EEF2K: variants seen among roughly 807,000 people sequenced by gnomAD.
EEF2K encodes the protein alternative protein EEF2K.
In EEF2K, 70 loss-of-function variants were observed where a neutral mutation model predicts 93.8. The observed-to-expected ratio is 0.75, with a 90% confidence interval of 0.62 to 0.91. The LOEUF (loss-of-function observed/expected upper bound fraction) is 0.91. EEF2K is among the 40% of genes least tolerant of loss of function. The pLI, the probability that EEF2K is intolerant of heterozygous loss-of-function variation, is 0.00. For missense variants in EEF2K, 935 were observed against 972.9 expected, an observed-to-expected ratio of 0.96 and a Z score of 0.52; for synonymous variants, 376 against 380.8, an observed-to-expected ratio of 0.99 and a Z score of 0.15.
intron 2 of EEF2K, among the ~76,000 whole-genome samples, chr16:22,228,570 C>T (rs558372489): frequency 2.2e-4 from 34 of 152,318 alleles, no homozygotes; most frequent in African/African-American, 6.0e-4. Flanking sequence ...GTACCCGGGC[C>T]GACAGCAGGC....
chr16:22,282,073 C>T (rs1278860463), intron 17 of EEF2K, among the ~76,000 whole-genome samples: 1 of 152,086 alleles, frequency 6.6e-6, no homozygotes, highest in Non-Finnish European at 1.5e-5. Flanking sequence ...CCAGCCTGGG[C>T]AACATAGGTA....
intron 2 of EEF2K, among the ~76,000 whole-genome samples, chr16:22,231,465 T>C (rs2047114570): frequency 2.0e-5 from 3 of 151,956 alleles, no homozygotes; most frequent in Admixed American, 2.0e-4. Flanking sequence ...GGTATCTGCA[T>C]AGCAAAAACC....
chr16:22,267,014 G>T, intron 15 of EEF2K, 138 bp downstream of exon 15: 1 of 1,113,294 alleles, frequency 9.0e-7, no homozygotes, highest in Non-Finnish European at 1.2e-6. Context: ...AAATGTCCCA[G>T]GCACTGGTTT....
chr16:22,228,817 G>A (rs2047088807), intron 2 of EEF2K, among the ~76,000 whole-genome samples: 1 of 152,200 alleles, frequency 6.6e-6, no homozygotes, highest in African/African-American at 2.4e-5. Flanking sequence ...GGGGTCTGGA[G>A]GCAGGCAATA....
At chr16:22,211,906 G>T (rs970516034) in intron 1 of EEF2K, among the ~76,000 whole-genome samples, 1 of 152,034 alleles carries the variant, frequency 6.6e-6, no homozygotes, top group Admixed American at 6.6e-5. Context: ...AGCTGCAGAG[G>T]AACAAGACAC....
chr16:22,263,061 C>T (rs1484025924), intron 11 of EEF2K, 49 bp from the exon 12 acceptor site: 2 of 1,571,704 alleles, frequency 1.3e-6, no homozygotes, highest in Non-Finnish European at 1.7e-6. Flanking sequence ...TAACCATTTC[C>T]AGGTGCTCAG....
intron 1 of EEF2K, among the ~76,000 whole-genome samples, chr16:22,216,387 ATTAT>A (rs1220408016): frequency 2.0e-5 from 3 of 152,160 alleles, no homozygotes; most frequent in Non-Finnish European, 2.9e-5. Flanking sequence ...TTTCACGTGC[ATTAT>A]TTGTCTTTCT....
At chr16:22,210,529 A>G (rs537788396) in intron 1 of EEF2K, among the ~76,000 whole-genome samples, 58 of 152,230 alleles carry the variant, frequency 3.8e-4, no homozygotes, top group African/African-American at 1.4e-3. Flanking sequence ...CTGGTCCCAT[A>G]CTTTTAGAAG....
chr16:22,234,877 C>CTTTTTTTTTTTTTTTTT (rs1173052779), intron 2 of EEF2K, among the ~76,000 whole-genome samples: 4 of 90,624 alleles, frequency 4.4e-5, no homozygotes, highest in African/African-American at 8.7e-5. Context: ...TTTTTTGTTG[C>CTTTTTTTTTTTTTTTTT]TTTTTTTTTT....
chr16:22,207,923 A>C (rs941882731), intron 1 of EEF2K, among the ~76,000 whole-genome samples: 1 of 152,192 alleles, frequency 6.6e-6, no homozygotes, highest in Non-Finnish European at 1.5e-5. Flanking sequence ...GGGAAGAGGC[A>C]GGTGGAAGGA....
chr16:22,263,658 A>G (rs2047488554), intron 12 of EEF2K, among the ~76,000 whole-genome samples: 1 of 152,232 alleles, frequency 6.6e-6, no homozygotes, highest in South Asian at 2.1e-4. Flanking sequence ...TGCAAAGAAG[A>G]TAAAACAGGA....
At chr16:22,248,661 C>T in intron 3 of EEF2K, 94 bp from the exon 4 acceptor site, 1 of 1,492,616 alleles carries the variant, frequency 6.7e-7, no homozygotes, top group East Asian at 2.3e-5. Context: ...GTTCTGAGGT[C>T]AGTGGGGAGC....
chr16:22,207,993 C>T (rs1157160801), intron 1 of EEF2K, among the ~76,000 whole-genome samples: 2 of 152,130 alleles, frequency 1.3e-5, no homozygotes, highest in East Asian at 1.9e-4. Flanking sequence ...CCACAGCACC[C>T]GATGTTCATT....
chr16:22,260,420 A>C (rs749015105), intron 10 of EEF2K, 42 bp from the exon 11 acceptor site: 1 of 1,612,390 alleles, frequency 6.2e-7, no homozygotes, highest in Non-Finnish European at 8.5e-7. Context: ...TGCATGTTCC[A>C]GTAGTGGAAC....
At chr16:22,217,232 G>C (rs185238640) in intron 1 of EEF2K, among the ~76,000 whole-genome samples, 2 of 135,590 alleles carry the variant, frequency 1.5e-5, no homozygotes, top group African/African-American at 2.9e-5. Context: ...GATAGATAGA[G>C]AGAGAGAGAG....
At chr16:22,213,535 G>A (rs911883979) in intron 1 of EEF2K, among the ~76,000 whole-genome samples, 6 of 152,192 alleles carry the variant, frequency 3.9e-5, no homozygotes, top group African/African-American at 1.4e-4. Context: ...TGCTCTTCAG[G>A]ACTTCGTTAG....
intron 1 of EEF2K, among the ~76,000 whole-genome samples, chr16:22,212,138 A>C (rs1460777109): frequency 6.6e-6 from 1 of 152,202 alleles, no homozygotes; most frequent in Non-Finnish European, 1.5e-5. Flanking sequence ...TGTGTTTCAT[A>C]TTCCAAAATG....
At chr16:22,262,189 A>G (rs1393052974) in intron 11 of EEF2K, among the ~76,000 whole-genome samples, 2 of 152,086 alleles carry the variant, frequency 1.3e-5, no homozygotes, top group African/African-American at 4.8e-5. Context: ...CGCTTTCAGA[A>G]CAGAACTCAG....
At chr16:22,223,026 C>T (rs1157107711) in intron 1 of EEF2K, among the ~76,000 whole-genome samples, 1 of 152,150 alleles carries the variant, frequency 6.6e-6, no homozygotes, top group African/African-American at 2.4e-5. Context: ...ACCACCACAC[C>T]CTACCTCCAT....
Sources: gnomAD v4.1 joint callset for allele counts (sites outside exome capture counted in the v4.1 genomes callset) on GRCh38, gnomAD v4.1.1 for gene constraint, MANE v1.5 for transcripts, NCBI Gene and HGNC (gene_info 2026-07-23, HGNC 2026-07-21) for gene names.